Variants in SLC4A10 observed in about 807,000 individuals in gnomAD.
The protein encoded by SLC4A10 is solute carrier family 4 member 10, also known as sodium-driven chloride bicarbonate exchanger.
In SLC4A10, 42 loss-of-function variants were observed where a neutral mutation model predicts 137.7. That is an observed-to-expected ratio of 0.30 (90% CI 0.24 to 0.39). The LOEUF is 0.39. SLC4A10 is among the 10% of genes least tolerant of loss of function. The pLI is 1.00. For synonymous variants in SLC4A10, 474 were observed against 464.1 expected (o/e 1.02, Z -0.27); for missense variants, 925 against 1,355.0 (o/e 0.68, Z 4.98).
At chr2:161,953,054 C>T (rs1695070622) in intron 19 of SLC4A10, among the ~76,000 whole-genome samples, 1 of 152,120 alleles carries the variant, frequency 6.6e-6, no homozygotes, top group South Asian at 2.1e-4. Context: ...ATTTTCTTTT[C>T]TCACTTGAAA....
At chr2:161,663,146 C>CT (rs1363085383) in intron 1 of SLC4A10, among the ~76,000 whole-genome samples, 2 of 152,030 alleles carry the variant, frequency 1.3e-5, no homozygotes, top group African/African-American at 2.4e-5. Flanking sequence ...TCTAAGAAAT[C>CT]TTTTTTATAA....
intron 2 of SLC4A10, among the ~76,000 whole-genome samples, chr2:161,787,036 A>G (rs1283675035): frequency 3.3e-5 from 5 of 152,036 alleles, no homozygotes; most frequent in Non-Finnish European, 5.9e-5. Context: ...AAAAGAGTAT[A>G]CTTTTTTATG....
At chr2:161,833,124 G>T (rs1450655068) in intron 3 of SLC4A10, among the ~76,000 whole-genome samples, 1 of 152,216 alleles carries the variant, frequency 6.6e-6, no homozygotes, top group African/African-American at 2.4e-5. Context: ...ATTATGTACA[G>T]AAACCAGGCA....
At chr2:161,818,183 C>A (rs537889717) in intron 3 of SLC4A10, among the ~76,000 whole-genome samples, 6 of 152,146 alleles carry the variant, frequency 3.9e-5, no homozygotes, top group African/African-American at 1.4e-4. Context: ...TTCTCCTTGA[C>A]GAGGTCCTTC....
chr2:161,727,344 C>T (rs1370287132), intron 1 of SLC4A10, among the ~76,000 whole-genome samples: 1 of 152,188 alleles, frequency 6.6e-6, no homozygotes, highest in Non-Finnish European at 1.5e-5. Context: ...ACAGTGTGCT[C>T]AAAGTTGACA....
chr2:161,637,124 T>C (rs1477477149), intron 1 of SLC4A10, among the ~76,000 whole-genome samples: 1 of 147,440 alleles, frequency 6.8e-6, no homozygotes, highest in Non-Finnish European at 1.5e-5. Flanking sequence ...TATATATCTA[T>C]ATACATAAAT....
At chr2:161,703,609 T>C (rs1437348102) in intron 1 of SLC4A10, among the ~76,000 whole-genome samples, 1 of 151,682 alleles carries the variant, frequency 6.6e-6, no homozygotes, top group Non-Finnish European at 1.5e-5. Flanking sequence ...CAGTATTTTC[T>C]AGAAAATTAT....
rs561169923 is a variant in SLC4A10 at position 161,938,630 on chromosome 2, T to C, written c.1998-4162T>C. On this transcript the variant is annotated intron_variant, in intron 15 of 26. Coordinates refer to ENST00000446997, the MANE Select transcript of SLC4A10 (RefSeq NM_001178015.2). ...AAATATCTTGGGCATATAATTATCA[T>C]TGAGAAGGGCATGATATGTACAAGA... Among the ~76,000 whole-genome samples, 28 of 151,632 alleles carry C rather than the reference T, an allele frequency of 1.8e-4. 1 individual carries two copies. In the South Asian group the frequency reaches 1.9e-3, roughly 10 times the overall value.
At chr2:161,895,837 T>C (rs1380757576) in intron 11 of SLC4A10, among the ~76,000 whole-genome samples, 21 of 152,096 alleles carry the variant, frequency 1.4e-4, no homozygotes, top group Non-Finnish European at 2.8e-4. Context: ...GAGTAGGTTG[T>C]GAAAATTTTC....
intron 1 of SLC4A10, among the ~76,000 whole-genome samples, chr2:161,747,754 A>G (rs1174237270): frequency 6.6e-6 from 1 of 152,180 alleles, no homozygotes; most frequent in Non-Finnish European, 1.5e-5. Context: ...TGCAATGAAT[A>G]TAGGAGGGCA....
chr2:161,685,480 C>CT (rs1219389492), intron 1 of SLC4A10, among the ~76,000 whole-genome samples: 3 of 152,088 alleles, frequency 2.0e-5, no homozygotes, highest in Non-Finnish European at 2.9e-5. Context: ...TGGTGGCACA[C>CT]ACCTGTGGTC....
chr2:161,869,362 G>A (rs62188767), intron 6 of SLC4A10, among the ~76,000 whole-genome samples: 9,190 of 151,602 alleles, frequency 0.061, 370 homozygotes, highest in East Asian at 0.13. Context: ...TCTTTTGAAA[G>A]ATGGTAATAA....
At chr2:161,836,530 G>GAA (rs2058786414) in intron 3 of SLC4A10, among the ~76,000 whole-genome samples, 1 of 79,220 alleles carries the variant, frequency 1.3e-5, no homozygotes, top group South Asian at 5.1e-4. Flanking sequence ...GAGAGAGAGA[G>GAA]AGAAAGAAAG....
At chr2:161,740,532 C>A (rs570794847) in intron 1 of SLC4A10, among the ~76,000 whole-genome samples, 1 of 152,240 alleles carries the variant, frequency 6.6e-6, no homozygotes, top group South Asian at 2.1e-4. Context: ...TGTTTGATAG[C>A]AAGGTATTAA....
intron 22 of SLC4A10, 43 bp downstream of exon 22, chr2:161,964,351 C>G (rs368060433): frequency 1.3e-6 from 2 of 1,589,872 alleles, no homozygotes; most frequent in South Asian, 2.2e-5. Flanking sequence ...CTCTGATTTG[C>G]TGGTCTCTTT....
chr2:161,853,651 G>T (rs980535077), intron 4 of SLC4A10, among the ~76,000 whole-genome samples: 8 of 152,168 alleles, frequency 5.3e-5, no homozygotes, highest in African/African-American at 1.9e-4. Context: ...AAAACTTTCT[G>T]TGTAGACAAA....
intron 1 of SLC4A10, among the ~76,000 whole-genome samples, chr2:161,667,437 G>T (rs1043949612): frequency 6.6e-6 from 1 of 151,578 alleles, no homozygotes; most frequent in African/African-American, 2.4e-5. Flanking sequence ...GACCTATGAA[G>T]AAGGTTATCA....
intron 15 of SLC4A10, among the ~76,000 whole-genome samples, chr2:161,933,367 T>C (rs957128541): frequency 2.0e-5 from 3 of 151,306 alleles, no homozygotes; most frequent in Non-Finnish European, 4.4e-5. Flanking sequence ...TTTCTCTCTC[T>C]TTCTCTCTTT....
chr2:161,938,298 A>G (rs1269234691), intron 15 of SLC4A10, among the ~76,000 whole-genome samples: 1 of 152,098 alleles, frequency 6.6e-6, no homozygotes, highest in Non-Finnish European at 1.5e-5. Context: ...TAATGAATTA[A>G]TTAAATAAAG....
Sources: allele counts gnomAD v4.1 joint callset (sites outside exome capture counted in the v4.1 genomes callset), GRCh38; gene constraint gnomAD v4.1.1; transcripts MANE v1.5; gene names NCBI Gene and HGNC (gene_info 2026-07-23, HGNC 2026-07-21).